PDE10A: variants seen among roughly 807,000 people sequenced by gnomAD.
PDE10A encodes cAMP and cAMP-inhibited cGMP 3',5'-cyclic phosphodiesterase 10A.
PDE10A carries 39 observed loss-of-function variants against 97.7 expected under a neutral mutation model. That is an observed-to-expected ratio of 0.40 (90% CI 0.31 to 0.52). PDE10A has a LOEUF of 0.52. Among genes scored for constraint, PDE10A ranks in the 20% least tolerant of loss-of-function variants. The pLI, the probability that PDE10A is intolerant of heterozygous loss-of-function variation, is 0.56. For missense variants in PDE10A, 731 were observed against 1,047.8 expected (o/e 0.70, Z 4.17); for synonymous variants, 371 against 376.8 (o/e 0.98, Z 0.18).
chr6:165,619,524 G>C lies in PDE10A; in HGVS notation c.865+42423C>G, dbSNP rs867093566. The stretch of plus-strand genomic sequence containing the variant: ...CTAGTGTAGTGTAGTCTAGTGTAGT[G>C]TAGTGTAGTCTAATGTAGTGTAGTG... On this transcript the variant is annotated intron_variant, in intron 1 of 21. Coordinates refer to ENST00000539869, the MANE Select transcript of PDE10A (RefSeq NM_001385079.1). 8.4e-3 allele frequency among the ~76,000 whole-genome samples: 930 copies of C among 110,412 alleles called. 189 individuals are homozygous for C. The highest frequency in any genetic ancestry group is 0.01 in the Non-Finnish European group (542 of 51,884). 72.4% of individuals were successfully genotyped at this position (110,412 alleles called of 152,430 possible). A position where few individuals can be genotyped will look rare whatever the true frequency, so the allele number is the denominator to read the frequency against.
At chr6:165,814,832 G>A (rs1005903602) in intron 1 of PDE10A, among the ~76,000 whole-genome samples, 4 of 151,972 alleles carry the variant, frequency 2.6e-5, no homozygotes, top group East Asian at 1.9e-4. Flanking sequence ...ACTCTGCGGC[G>A]TATGTCCAGG....
chr6:165,390,102 GA>G (rs1394426510), intron 16 of PDE10A, among the ~76,000 whole-genome samples: 5 of 152,180 alleles, frequency 3.3e-5, no homozygotes, highest in Middle Eastern at 3.4e-3. Context: ...TGAAAAGGGG[GA>G]ACAGACTGCA....
At chr6:165,472,177 G>A (rs373016543) in intron 3 of PDE10A, among the ~76,000 whole-genome samples, 3 of 152,022 alleles carry the variant, frequency 2.0e-5, no homozygotes, top group South Asian at 4.1e-4. Context: ...CACTATAGCA[G>A]TATATTCAGG....
intron 1 of PDE10A, among the ~76,000 whole-genome samples, chr6:165,913,456 T>C (rs1354444275): frequency 2.0e-5 from 3 of 152,248 alleles, no homozygotes; most frequent in Non-Finnish European, 4.4e-5. Context: ...ATCTCTAGAT[T>C]ACTTACAATA....
intron 2 of PDE10A, among the ~76,000 whole-genome samples, chr6:165,530,204 A>G (rs1246212490): frequency 6.6e-6 from 1 of 152,046 alleles, no homozygotes; most frequent in Non-Finnish European, 1.5e-5. Flanking sequence ...CTCAGCTTGC[A>G]GACAGCCTAC....
chr6:165,550,739 T>G (rs764375048), intron 1 of PDE10A, among the ~76,000 whole-genome samples: 11 of 152,204 alleles, frequency 7.2e-5, no homozygotes, highest in Non-Finnish European at 1.3e-4. Context: ...CAATTCAACT[T>G]CAGGCAGAAT....
intron 1 of PDE10A, among the ~76,000 whole-genome samples, chr6:165,888,297 T>TTTTC (rs1491208134): frequency 1.2e-5 from 1 of 84,066 alleles, no homozygotes; most frequent in East Asian, 3.5e-4. Context: ...TTTTCTTTTC[T>TTTTC]TTTTTTTTTA....
At chr6:165,372,925 C>A (rs1015857885) in intron 18 of PDE10A, among the ~76,000 whole-genome samples, 1 of 151,544 alleles carries the variant, frequency 6.6e-6, no homozygotes, top group African/African-American at 2.4e-5. Context: ...AATAACGCTG[C>A]ATATCTACAA....
At chr6:165,742,324 C>T (rs1381672299) in intron 1 of PDE10A, among the ~76,000 whole-genome samples, 2 of 152,138 alleles carry the variant, frequency 1.3e-5, no homozygotes, top group East Asian at 3.9e-4. Flanking sequence ...CGCTGTTTCC[C>T]GTCCTTTGCA....
intron 1 of PDE10A, among the ~76,000 whole-genome samples, chr6:165,747,068 T>C (rs1347091159): frequency 1.3e-5 from 2 of 152,186 alleles, no homozygotes; most frequent in East Asian, 1.9e-4. Flanking sequence ...CTATGCTATA[T>C]CTTAGTTCAA....
In PDE10A at chr6:165,481,417, A is replaced by C. The variant is rs375774958; in HGVS notation, c.1023+898T>G. Among the ~76,000 whole-genome samples the C allele has an allele frequency of 3.3e-3, 500 of 151,850 alleles. 3 individuals are homozygous for C. The highest frequency in any genetic ancestry group is 0.012 in the African/African-American group (489 of 41,456). On this transcript the variant is annotated intron_variant, in intron 3 of 21. Transcript: ENST00000539869. ...TTCCCTCCCCTATCTCCACACCCCC[A>C]ACCCCCAGCGCTGGCCCAGGTCATT...
At chr6:165,425,770 C>CATATGTGTGTGT (rs112669910) in intron 10 of PDE10A, among the ~76,000 whole-genome samples, 2,699 of 143,960 alleles carry the variant, frequency 0.019, 102 homozygotes, top group African/African-American at 0.066. Flanking sequence ...AAGGCATGAT[C>CATATGTGTGTGT]GTGTGTGTGT....
chr6:165,948,326 A>G (rs1783845480), intron 1 of PDE10A: 1 of 152,244 alleles, frequency 6.6e-6, no homozygotes, highest in African/African-American at 2.4e-5. Flanking sequence ...CTGTCAATGG[A>G]GAACAAGAGA....
chr6:165,656,540 T>C (rs1273249122), intron 1 of PDE10A, among the ~76,000 whole-genome samples: 1 of 151,984 alleles, frequency 6.6e-6, no homozygotes, highest in Admixed American at 6.6e-5. Context: ...TTTCTACCTG[T>C]CTTCCATAGC....
intron 2 of PDE10A, among the ~76,000 whole-genome samples, chr6:165,531,983 T>C (rs913207063): frequency 2.6e-5 from 4 of 152,324 alleles, no homozygotes; most frequent in South Asian, 4.1e-4. Flanking sequence ...TCAAAATTAC[T>C]GGTACAAAAA....
chr6:165,929,656 A>G (rs9365940), intron 1 of PDE10A, among the ~76,000 whole-genome samples: 30,399 of 152,176 alleles, frequency 0.2, 3,264 homozygotes, highest in East Asian at 0.27. Flanking sequence ...AGAAGGATCC[A>G]TTCCTACCAG....
intron 1 of PDE10A, among the ~76,000 whole-genome samples, chr6:165,571,364 T>A (rs1320553395): frequency 1.3e-5 from 2 of 152,162 alleles, no homozygotes; most frequent in Non-Finnish European, 2.9e-5. Flanking sequence ...AACCTAGGAA[T>A]TCAAGTCCTG....
intron 1 of PDE10A, among the ~76,000 whole-genome samples, chr6:165,861,197 G>C (rs553282483): frequency 6.6e-6 from 1 of 152,168 alleles, no homozygotes; most frequent in African/African-American, 2.4e-5. Context: ...TCTGACTCCT[G>C]GAAGAGAAAG....
Position 165,982,197 on chromosome 6 carries a change from A to C in PDE10A, c.-615+5332T>G, listed in dbSNP as rs145394955. On this transcript the variant is annotated intron_variant, in intron 1 of 19. Coordinates refer to the PDE10A transcript ENST00000366882. Reference sequence around the variant, plus strand: ...TACCCATATTTCACTATGGCTCAAGAAATTGAAGGAACGCGTGAGTCGGTC... The same window carrying C: ...TACCCATATTTCACTATGGCTCAAGCAATTGAAGGAACGCGTGAGTCGGTC... Among the ~76,000 whole-genome samples, 224 of 152,302 alleles carry C rather than the reference A, an allele frequency of 1.5e-3. 1 individual carries two copies. The highest frequency in any genetic ancestry group is 5.1e-3 in the African/African-American group (211 of 41,568).
Sources: gnomAD v4.1 joint callset for allele counts (sites outside exome capture counted in the v4.1 genomes callset) on GRCh38, gnomAD v4.1.1 for gene constraint, MANE v1.5 for transcripts, NCBI Gene and HGNC (gene_info 2026-07-23, HGNC 2026-07-21) for gene names.